EPHA5: variants seen among roughly 807,000 people sequenced by gnomAD.
The protein encoded by EPHA5 is EPH receptor A5, also known as ephrin type-A receptor 5.
Under a neutral mutation model 105.0 loss-of-function variants are expected in EPHA5, and 60 were observed. The ratio of observed to expected loss-of-function variants is 0.57; its 90% CI spans 0.46 to 0.71. The LOEUF is 0.71. Among genes scored for constraint, EPHA5 ranks in the 30% least tolerant of loss-of-function variants. The pLI, the probability that EPHA5 is intolerant of heterozygous loss-of-function variation, is 0.00. For missense variants in EPHA5, 1,218 were observed against 1,274.7 expected, an observed-to-expected ratio of 0.96 and a Z score of 0.68; for synonymous variants, 513 against 449.1, an observed-to-expected ratio of 1.14 and a Z score of -1.80.
intron 2 of EPHA5, among the ~76,000 whole-genome samples, chr4:65,625,721 T>G (rs1746079256): frequency 6.6e-6 from 1 of 152,218 alleles, no homozygotes; most frequent in Non-Finnish European, 1.5e-5. Flanking sequence ...ATTTACAATT[T>G]AAAATAAATA....
At position 65,517,593 on chromosome 4, in the gene EPHA5, G is replaced by A. The variant is rs552131149; in HGVS notation, c.911-22050C>T. On this transcript the variant is annotated intron_variant, in intron 3 of 16. Coordinates refer to ENST00000613740, the MANE Select transcript of EPHA5 (RefSeq NM_001281766.3). ...TTTTTTCACCCTCTGTTTCTTTGCC[G>A]TTTATTCCCCTTTTCTTCTTCATTG... Among the ~76,000 whole-genome samples, 36 of 151,548 alleles carry A rather than the reference G, an allele frequency of 2.4e-4. No individual in the cohort carries two copies. The East Asian group carries it at 3.7e-3, about 16-fold the overall frequency.
chr4:65,488,847 A>G (rs900537234), intron 5 of EPHA5, among the ~76,000 whole-genome samples: 2 of 151,270 alleles, frequency 1.3e-5, no homozygotes, highest in African/African-American at 4.9e-5. Flanking sequence ...AGCTTTATCA[A>G]TCAGTAGCAA....
At chr4:65,357,306 A>G (rs1454368189) in intron 11 of EPHA5, among the ~76,000 whole-genome samples, 2 of 151,482 alleles carry the variant, frequency 1.3e-5, no homozygotes, top group Non-Finnish European at 3.0e-5. Flanking sequence ...TAAGGAGTAA[A>G]GTTGAGAATC....
At chr4:65,579,291 G>A (rs889787500) in intron 3 of EPHA5, among the ~76,000 whole-genome samples, 13 of 149,124 alleles carry the variant, frequency 8.7e-5, no homozygotes, top group Non-Finnish European at 1.5e-4. Flanking sequence ...TGAATAACTC[G>A]AAGACAGAAA....
At chr4:65,390,690 G>T (rs1268406003) in intron 8 of EPHA5, among the ~76,000 whole-genome samples, 2 of 151,996 alleles carry the variant, frequency 1.3e-5, no homozygotes, top group African/African-American at 2.4e-5. Context: ...GCAAGGAAGA[G>T]TCCCAAAATA....
chr4:65,517,704 A>T (rs1734240281), intron 3 of EPHA5, among the ~76,000 whole-genome samples: 1 of 151,924 alleles, frequency 6.6e-6, no homozygotes, highest in Non-Finnish European at 1.5e-5. Context: ...TTAGAAAATT[A>T]CTGATATGTT....
intron 1 of EPHA5, among the ~76,000 whole-genome samples, chr4:65,659,878 T>A (rs1337108634): frequency 2.6e-5 from 4 of 152,112 alleles, no homozygotes; most frequent in Non-Finnish European, 5.9e-5. Context: ...CCAGGTAATA[T>A]TTTTAACTGT....
chr4:65,454,846 T>A (rs767614671), intron 5 of EPHA5, among the ~76,000 whole-genome samples: 7 of 152,238 alleles, frequency 4.6e-5, no homozygotes, highest in Non-Finnish European at 8.8e-5. Flanking sequence ...AATAGCCTTT[T>A]GGGAATTAAC....
intron 2 of EPHA5, among the ~76,000 whole-genome samples, chr4:65,611,143 A>G (rs987047628): frequency 2.0e-5 from 3 of 152,188 alleles, no homozygotes; most frequent in African/African-American, 7.2e-5. Flanking sequence ...TGACAAACAC[A>G]TATATGCACA....
At chr4:65,473,523 C>A (rs1012458978) in intron 5 of EPHA5, among the ~76,000 whole-genome samples, 15 of 152,106 alleles carry the variant, frequency 9.9e-5, no homozygotes, top group Non-Finnish European at 1.6e-4. Context: ...ACAGGCAAAA[C>A]AGAGAGAGAG....
At chr4:65,600,254 T>C (rs1338440111) in intron 3 of EPHA5, among the ~76,000 whole-genome samples, 1 of 152,124 alleles carries the variant, frequency 6.6e-6, no homozygotes, top group Non-Finnish European at 1.5e-5. Context: ...TTAATTCCAG[T>C]CCTGAAGAAA....
chr4:65,337,924 A>G (rs938975035), intron 14 of EPHA5, among the ~76,000 whole-genome samples: 1 of 152,174 alleles, frequency 6.6e-6, no homozygotes, highest in Admixed American at 6.6e-5. Context: ...AACTTTGAGC[A>G]AAAGTCCTAA....
chr4:65,556,002 T>C (rs1328084412), intron 3 of EPHA5, among the ~76,000 whole-genome samples: 1 of 152,182 alleles, frequency 6.6e-6, no homozygotes, highest in African/African-American at 2.4e-5. Flanking sequence ...CTATTCCAAC[T>C]CTATTTTTAA....
Position 65,495,388 on chromosome 4 carries a change from T to C in EPHA5, c.1066A>G (p.Arg356Gly), listed in dbSNP as rs757242674. 2.5e-6 allele frequency: 4 copies of C among 1,611,106 alleles called. No individual in the cohort carries two copies. The highest frequency in any genetic ancestry group is 3.4e-6 in the Non-Finnish European group (4 of 1,178,914). Residue 356 changes from arginine (R) to glycine (G), a missense_variant and splice_region_variant, in exon 4 of 17, where the codon AGA (arginine) becomes GGA (glycine). Coordinates refer to ENST00000613740, the MANE Select transcript of EPHA5 (RefSeq NM_001281766.3). ...ESDPPTMACT[R>G]PPSAPRNAIS... ...ACCAAATATCCGTGGGTTTCCTTACTTGTGCATGCCATTGTGGGTGGATCA... is the reference window on the plus strand; with the variant it reads ...ACCAAATATCCGTGGGTTTCCTTACCTGTGCATGCCATTGTGGGTGGATCA...
intron 3 of EPHA5, among the ~76,000 whole-genome samples, chr4:65,526,721 AC>A (rs1290772571): frequency 1.3e-5 from 2 of 151,990 alleles, no homozygotes; most frequent in African/African-American, 4.8e-5. Flanking sequence ...TGAGAGCCAA[AC>A]TTTGCATATG....
At chr4:65,601,552 G>C in intron 3 of EPHA5, 89 bp downstream of exon 3, 1 of 1,249,540 alleles carries the variant, frequency 8.0e-7, no homozygotes, top group Non-Finnish European at 1.1e-6. Context: ...CAAAGTAAAA[G>C]GTCATTTCCT....
intron 3 of EPHA5, among the ~76,000 whole-genome samples, chr4:65,596,106 C>A (rs1743154583): frequency 6.6e-6 from 1 of 152,180 alleles, no homozygotes; most frequent in Non-Finnish European, 1.5e-5. Context: ...TGTACATCTC[C>A]TTCATTCTTC....
chr4:65,575,576 A>G (rs1435361502), intron 3 of EPHA5, among the ~76,000 whole-genome samples: 4 of 152,180 alleles, frequency 2.6e-5, no homozygotes, highest in Non-Finnish European at 5.9e-5. Flanking sequence ...AATTGAGCTT[A>G]CAATAAGATG....
intron 3 of EPHA5, among the ~76,000 whole-genome samples, chr4:65,582,438 A>G (rs1741716860): frequency 6.7e-6 from 1 of 150,314 alleles, no homozygotes; most frequent in African/African-American, 2.4e-5. Context: ...AGACTCAATC[A>G]TTTTTGCCTG....
Sources: gnomAD v4.1 joint callset for allele counts (sites outside exome capture counted in the v4.1 genomes callset) on GRCh38, gnomAD v4.1.1 for gene constraint, MANE v1.5 for transcripts, NCBI Gene and HGNC (gene_info 2026-07-23, HGNC 2026-07-21) for gene names.